The following ANK3 variants were observed in gnomAD, a reference collection of about 807,000 sequenced individuals.
The protein encoded by ANK3 is ankyrin-3.
A neutral mutation model predicts 370.9 loss-of-function variants in ANK3; 57 were observed. That is an observed-to-expected ratio of 0.15 (90% CI 0.12 to 0.19). ANK3 has a LOEUF of 0.19. Among genes scored for constraint, ANK3 ranks in the 10% least tolerant of loss-of-function variants. ANK3 has a pLI of 1.00. For missense variants in ANK3, 4,439 were observed against 5,302.1 expected (o/e 0.84, Z 5.06); for synonymous variants, 1,929 against 1,946.3 (o/e 0.99, Z 0.23).
intron 1 of ANK3, among the ~76,000 whole-genome samples, chr10:60,672,532 G>A (rs2079074692): frequency 1.3e-5 from 2 of 152,182 alleles, no homozygotes; most frequent in Admixed American, 1.3e-4. Flanking sequence ...TGGCTGAAGG[G>A]TGGTGCATCC....
At chr10:60,296,254 C>T (rs2042486755) in intron 1 of ANK3, among the ~76,000 whole-genome samples, 1 of 152,196 alleles carries the variant, frequency 6.6e-6, no homozygotes, top group Admixed American at 6.5e-5. Flanking sequence ...GTGGATGACA[C>T]TGTCCATAGG....
At chr10:60,509,521 A>G (rs144279466) in intron 2 of ANK3, among the ~76,000 whole-genome samples, 1 of 152,228 alleles carries the variant, frequency 6.6e-6, no homozygotes, top group African/African-American at 2.4e-5. Context: ...TAATGTCTGT[A>G]TTTTGTGTAT....
intron 2 of ANK3, among the ~76,000 whole-genome samples, chr10:60,488,360 C>T (rs1241702974): frequency 6.6e-6 from 1 of 152,050 alleles, no homozygotes; most frequent in African/African-American, 2.4e-5. Flanking sequence ...CGAAGAGCTC[C>T]TGAAAAATAT....
At chr10:60,505,238 AT>A (rs1413521400) in intron 2 of ANK3, among the ~76,000 whole-genome samples, 1 of 152,124 alleles carries the variant, frequency 6.6e-6, no homozygotes, top group African/African-American at 2.4e-5. Flanking sequence ...AATTCCAAAT[AT>A]ATAAAACTAT....
chr10:60,040,430 C>T (rs1228539555), intron 43 of ANK3, among the ~76,000 whole-genome samples: 1 of 152,068 alleles, frequency 6.6e-6, no homozygotes, highest in East Asian at 1.9e-4. Context: ...AGTTCACTTA[C>T]GGAAGGTAAA....
chr10:60,179,770 T>C (rs1204191363), intron 18 of ANK3, among the ~76,000 whole-genome samples: 1 of 151,592 alleles, frequency 6.6e-6, no homozygotes, highest in Non-Finnish European at 1.5e-5. Context: ...GACTCGTACA[T>C]CGAGGGGCTG....
chr10:60,042,609 AG>A, intron 43 of ANK3, 62 bp downstream of exon 43: 1 of 1,441,478 alleles, frequency 6.9e-7, no homozygotes, highest in Non-Finnish European at 9.6e-7. Flanking sequence ...TCACTTATTT[AG>A]TGAAAAATAT....
Position 60,474,791 on chromosome 10 carries a change from C to G in ANK3, c.96+140395G>C, listed in dbSNP as rs568998346. Among the ~76,000 whole-genome samples, 32 of 151,230 alleles carry G rather than the reference C, an allele frequency of 2.1e-4. No individual in the cohort carries two copies. In the South Asian group the frequency reaches 6.3e-3, roughly 30 times the overall value. ...CTCATTTTGAAAACAGCACACATCT[C>G]TGTGTGTGTGTGTGTATTCACAGAA... On this transcript the variant is annotated intron_variant, in intron 2 of 43. Transcript: ENST00000373827.
intron 2 of ANK3, among the ~76,000 whole-genome samples, chr10:60,560,571 C>T (rs186031911): frequency 2.6e-5 from 4 of 152,102 alleles, no homozygotes; most frequent in Non-Finnish European, 5.9e-5. Context: ...AGAACAGTTA[C>T]GGAGAAAAAG....
chr10:60,045,320 A>G (rs539854651), intron 42 of ANK3, among the ~76,000 whole-genome samples: 31 of 152,274 alleles, frequency 2.0e-4, no homozygotes, highest in African/African-American at 6.3e-4. Flanking sequence ...AGGTCTCACT[A>G]TGAGTTTTAA....
intron 1 of ANK3, among the ~76,000 whole-genome samples, chr10:60,294,266 G>A (rs181568688): frequency 6.3e-4 from 96 of 152,172 alleles, no homozygotes; most frequent in African/African-American, 2.1e-3. Flanking sequence ...TCTATATGGT[G>A]CGAATCAGAT....
At chr10:60,395,620 C>CGT (rs1212429705) in intron 2 of ANK3, among the ~76,000 whole-genome samples, 1 of 32,646 alleles carries the variant, frequency 3.1e-5, no homozygotes, top group African/African-American at 1.3e-4. Context: ...CTCTTTCGTT[C>CGT]TCTCTCTCTC....
At chr10:60,389,940 C>A (rs915008415), upstream of ANK3, 2 of 816,654 alleles carry the variant, frequency 2.4e-6, no homozygotes, top group African/African-American at 3.7e-5. Flanking sequence ...CAAGAGTCAC[C>A]ACACATGCAG....
At chr10:60,205,270 C>A (rs1213916656) in intron 11 of ANK3, among the ~76,000 whole-genome samples, 3 of 152,156 alleles carry the variant, frequency 2.0e-5, no homozygotes, top group Non-Finnish European at 4.4e-5. Context: ...GAGAAAAGCA[C>A]CAAGGTCGTC....
At chr10:60,395,550 CTCTTTCTTTCTTTCTTTCTT>C (rs58204421) in intron 2 of ANK3, among the ~76,000 whole-genome samples, 2,879 of 108,422 alleles carry the variant, frequency 0.027, 84 homozygotes, top group African/African-American at 0.054. Context: ...ACTACTATGC[CTCTTTCTTTCTTTCTTTCTT>C]TCTTTCTTTC....
chr10:60,553,915 G>A (rs1019585504), intron 2 of ANK3, among the ~76,000 whole-genome samples: 2 of 152,060 alleles, frequency 1.3e-5, no homozygotes, highest in Admixed American at 6.6e-5. Context: ...GGACTGAGCT[G>A]GTTGATTGGT....
At position 60,070,936 on chromosome 10, in the gene ANK3, A is replaced by G. The variant is rs1358651627; in HGVS notation, c.9945T>C (p.Ser3315=). 6.2e-7 allele frequency: 1 copy of G among 1,614,124 alleles called. No homozygotes were observed. The highest frequency in any genetic ancestry group is 8.5e-7 in the Non-Finnish European group (1 of 1,179,990). Residue 3315 remains serine (S), a synonymous_variant, in exon 37 of 44, where the codon AGT becomes AGC. Coordinates refer to ENST00000280772, the MANE Select transcript of ANK3 (RefSeq NM_020987.5). This position sits in a 1 kb window ranked among gnomAD's most constrained non-coding sequence, Gnocchi z 5.7. The stretch of plus-strand genomic sequence containing the variant: ...AAATAGATTCGTCATCGCTTGAATC[A>G]CTGACGTCTGCCCCGGGAGGAACTG... The part of the protein sequence containing the change: ...PSPVPPGADV[S]DSSDDESIYQ...
chr10:60,257,607 A>C (rs942185102), intron 7 of ANK3, among the ~76,000 whole-genome samples: 10 of 152,238 alleles, frequency 6.6e-5, no homozygotes, highest in African/African-American at 2.4e-4. Flanking sequence ...AGTTGTCAAA[A>C]GTGGAAACTC....
At chr10:60,503,669 A>G (rs570528080) in intron 2 of ANK3, among the ~76,000 whole-genome samples, 44 of 152,242 alleles carry the variant, frequency 2.9e-4, no homozygotes, top group African/African-American at 1.0e-3. Context: ...TTATCAACAT[A>G]ATTCAGTTTA....
Sources: allele counts gnomAD v4.1 joint callset (sites outside exome capture counted in the v4.1 genomes callset), GRCh38; gene constraint gnomAD v4.1.1; non-coding constraint Gnocchi (gnomAD v3.1); transcripts MANE v1.5; gene names NCBI Gene and HGNC (gene_info 2026-07-23, HGNC 2026-07-21).